RMDN2: variants seen among roughly 807,000 people sequenced by gnomAD.
The protein encoded by RMDN2 is regulator of microtubule dynamics 2.
A neutral mutation model predicts 52.8 loss-of-function variants in RMDN2; 61 were observed. That is an observed-to-expected ratio of 1.16 (90% CI 0.94 to 1.43). The LOEUF is 1.43. RMDN2 is among the 40% of genes most tolerant of loss of function. The pLI, the probability that RMDN2 is intolerant of heterozygous loss-of-function variation, is 0.00. For synonymous variants in RMDN2, 180 were observed against 153.1 expected (o/e 1.18, Z -1.30); for missense variants, 592 against 475.3 (o/e 1.25, Z -2.28).
chr2:38,041,984 G>A (rs999690603), intron 10 of RMDN2, among the ~76,000 whole-genome samples: 3 of 152,100 alleles, frequency 2.0e-5, no homozygotes, highest in East Asian at 1.9e-4. Context: ...GTTAGGAAGC[G>A]TTCCTTCTGT....
chr2:37,975,731 G>T (rs1383601632), intron 4 of RMDN2, among the ~76,000 whole-genome samples: 1 of 152,112 alleles, frequency 6.6e-6, no homozygotes, highest in Non-Finnish European at 1.5e-5. Flanking sequence ...AATCACTAGT[G>T]AATGTTAACT....
At chr2:38,037,386 T>C (rs1347028282) in intron 10 of RMDN2, among the ~76,000 whole-genome samples, 1 of 152,216 alleles carries the variant, frequency 6.6e-6, no homozygotes, top group Non-Finnish European at 1.5e-5. Context: ...GCTGCCCACA[T>C]AGAAGAACTT....
At chr2:37,986,632 A>G (rs574333471) in intron 5 of RMDN2, among the ~76,000 whole-genome samples, 1 of 152,270 alleles carries the variant, frequency 6.6e-6, no homozygotes, top group East Asian at 1.9e-4. Context: ...ACATTTGAAA[A>G]TCAATTACTA....
At chr2:38,004,695 C>CTTTT (rs562275983) in intron 10 of RMDN2, among the ~76,000 whole-genome samples, 1 of 146,518 alleles carries the variant, frequency 6.8e-6, no homozygotes, top group Non-Finnish European at 1.5e-5. Context: ...AGTTTTCTTT[C>CTTTT]TTTTTTTTTT....
At chr2:38,060,165 TC>T (rs1681990391) in intron 10 of RMDN2, among the ~76,000 whole-genome samples, 1 of 152,012 alleles carries the variant, frequency 6.6e-6, no homozygotes. Flanking sequence ...CAGGATGGTC[TC>T]GATCTCCTGA....
At chr2:38,011,905 C>T (rs1168630764) in intron 10 of RMDN2, among the ~76,000 whole-genome samples, 1 of 152,208 alleles carries the variant, frequency 6.6e-6, no homozygotes, top group Non-Finnish European at 1.5e-5. Flanking sequence ...TCATTCTCCT[C>T]ACAGCTTCCT....
rs1171613142 is a variant in RMDN2, at chr2:37,929,551, G to T, written c.274G>T (p.Glu92Ter). Residue 92 changes from glutamate (E) to a stop codon, truncating the protein, a stop_gained, in exon 2 of 11, where the codon GAA becomes TAA. Transcript: ENST00000354545. LOFTEE classifies it high-confidence loss of function. The stretch of plus-strand genomic sequence containing the variant: ...GACAAATATGGAAGAACTCAAAGAG[G>T]AAATCAGATTTCTTAAAGAAGCTAT... Reference protein sequence around the residue: ...LLTNMEELKEEIRFLKEAIPK... With the variant: ...LLTNMEELKE The T allele has an allele frequency of 1.9e-6, 3 of 1,551,842 alleles. No individual in the cohort carries two copies. Among genetic ancestry groups the T allele is most frequent in the Admixed American group, 2.0e-5 (1 of 50,990 alleles).
chr2:38,066,479 T>C (rs922621198), intron 10 of RMDN2, among the ~76,000 whole-genome samples: 3 of 152,188 alleles, frequency 2.0e-5, no homozygotes, highest in African/African-American at 7.2e-5. Context: ...GATTTATAAC[T>C]AATAGACTGA....
intron 10 of RMDN2, chr2:38,012,669 A>G (rs973657640): frequency 1.8e-5 from 8 of 444,228 alleles, no homozygotes; most frequent in African/African-American, 1.4e-4. Context: ...GTATATTTCC[A>G]TTTCTTTTTC....
chr2:37,938,816 C>G (rs781746112), intron 2 of RMDN2, among the ~76,000 whole-genome samples: 1 of 152,020 alleles, frequency 6.6e-6, no homozygotes, highest in Non-Finnish European at 1.5e-5. Context: ...GGCTAGCGGT[C>G]TATCTATTTT....
chr2:37,948,099 TGG>T (rs1668376352), intron 2 of RMDN2, among the ~76,000 whole-genome samples: 1 of 152,190 alleles, frequency 6.6e-6, no homozygotes, highest in Non-Finnish European at 1.5e-5. Flanking sequence ...ACTCAAATTG[TGG>T]TCTGTGGACC....
intron 2 of RMDN2, among the ~76,000 whole-genome samples, chr2:37,944,050 A>G (rs1053167146): frequency 1.8e-4 from 27 of 152,278 alleles, no homozygotes; most frequent in African/African-American, 6.3e-4. Context: ...TTTTGTTTAC[A>G]CATAGGGGAA....
chr2:37,969,302 G>C (rs907151349), intron 2 of RMDN2, among the ~76,000 whole-genome samples: 8 of 151,784 alleles, frequency 5.3e-5, no homozygotes, highest in African/African-American at 1.9e-4. Flanking sequence ...AATTAATGTG[G>C]AGCCTTATGA....
chr2:37,972,647 A>G (rs1056271740), intron 2 of RMDN2, among the ~76,000 whole-genome samples: 3 of 152,226 alleles, frequency 2.0e-5, no homozygotes, highest in African/African-American at 7.2e-5. Flanking sequence ...GTCAAGGACT[A>G]AAGCAAAGAG....
At chr2:37,963,391 A>C (rs1448114711) in intron 2 of RMDN2, among the ~76,000 whole-genome samples, 2 of 150,166 alleles carry the variant, frequency 1.3e-5, no homozygotes, top group Admixed American at 6.7e-5. Flanking sequence ...GTCATAGGAC[A>C]ATAGTGGAGG....
chr2:38,006,401 C>A (rs1573050509), intron 10 of RMDN2, among the ~76,000 whole-genome samples: 1 of 152,178 alleles, frequency 6.6e-6, no homozygotes, highest in East Asian at 1.9e-4. Context: ...TTGTAGTTCT[C>A]CTCGAAGAGG....
In RMDN2 at chr2:38,003,989, A is replaced by G; in HGVS notation, c.1045-2A>G. 3 of 1,610,142 alleles carry G rather than the reference A, an allele frequency of 1.9e-6. No individual in the cohort carries two copies. Among genetic ancestry groups the G allele is most frequent in the Non-Finnish European group, 2.5e-6 (3 of 1,176,600 alleles). ...TTCTCTCATGTTTTTCTCTCAAATC[A>G]GGCTGAAGAACTATGCCCTGGTTAT... On this transcript the variant is annotated splice_acceptor_variant, in intron 8 of 10. Transcript: ENST00000354545. LOFTEE classifies it high-confidence loss of function.
At chr2:37,956,787 C>T (rs1669528512) in intron 2 of RMDN2, among the ~76,000 whole-genome samples, 1 of 151,968 alleles carries the variant, frequency 6.6e-6, no homozygotes, top group South Asian at 2.1e-4. Context: ...GGTATTTGTC[C>T]TAACGCTACC....
chr2:38,064,553 G>A (rs2125311225), intron 10 of RMDN2, among the ~76,000 whole-genome samples: 1 of 152,148 alleles, frequency 6.6e-6, no homozygotes, highest in African/African-American at 2.4e-5. Flanking sequence ...ACTGAGTCAT[G>A]GAGAAGGTGA....
Sources: gnomAD v4.1 joint callset for allele counts (sites outside exome capture counted in the v4.1 genomes callset) on GRCh38, gnomAD v4.1.1 for gene constraint, MANE v1.5 for transcripts, NCBI Gene and HGNC (gene_info 2026-07-23, HGNC 2026-07-21) for gene names.